CHIA: variants seen among roughly 807,000 people sequenced by gnomAD.
CHIA encodes the protein chitinase acidic, also known as acidic mammalian chitinase.
Under a neutral mutation model 53.5 loss-of-function variants are expected in CHIA, and 47 were observed. That is an observed-to-expected ratio of 0.88 (90% confidence interval 0.70 to 1.12). The LOEUF is 1.12. Among genes scored for constraint, CHIA ranks in the 50% most tolerant of loss-of-function variants. The pLI is 0.00. For missense variants in CHIA, 652 were observed against 592.2 expected, an observed-to-expected ratio of 1.10 and a Z score of -1.05; for synonymous variants, 268 against 222.2, an observed-to-expected ratio of 1.21 and a Z score of -1.83.
intron 1 of CHIA, among the ~76,000 whole-genome samples, chr1:111,309,122 G>A (rs1205500256): frequency 3.3e-5 from 5 of 152,128 alleles, no homozygotes; most frequent in African/African-American, 1.2e-4. Context: ...AACCACCATG[G>A]CACATGTTTA....
chr1:111,318,991 C>A (rs1294491232), intron 9 of CHIA, 129 bp from the exon 10 acceptor site: 2 of 1,315,438 alleles, frequency 1.5e-6, no homozygotes. Flanking sequence ...CTCTTTACTA[C>A]AAATAAAAAC....
In CHIA at chr1:111,318,607, G is replaced by GGTGC; in HGVS notation, c.845_848dup (p.Pro284CysfsTer55). The GGTGC allele has an allele frequency of 6.2e-7, 1 of 1,614,208 alleles. No individual in the cohort carries two copies. The highest frequency in any genetic ancestry group is 8.5e-7 in the Non-Finnish European group (1 of 1,180,036). ...GAGCAACCCCTCCAACACTGGAATT[G>GGTGC]GTGCCCCCACCTCTGGTGCTGGTCC... On this transcript the variant is annotated frameshift_variant, in exon 9 of 12. Coordinates refer to ENST00000369740, the MANE Select transcript of CHIA (RefSeq NM_201653.4). LOFTEE classifies it high-confidence loss of function.
chr1:111,317,881 C>T lies in CHIA; in HGVS notation c.605+76C>T, dbSNP rs143996958. ...CTAGACTTGTCCTTGGTCTGGCTTG[C>T]TATTCAGGGACCTTGTTTAGGAGAC... On this transcript the variant is annotated intron_variant, in intron 7 of 11. Coordinates refer to ENST00000369740, the MANE Select transcript of CHIA (RefSeq NM_201653.4). 1,512 of 1,610,138 alleles carry T rather than the reference C, an allele frequency of 9.4e-4. 5 individuals are homozygous for T. The highest frequency in any genetic ancestry group is 4.8e-3 in the Middle Eastern group (29 of 6,044).
chr1:111,302,310 G>A (rs1046304297), intron 1 of CHIA, among the ~76,000 whole-genome samples: 2 of 151,866 alleles, frequency 1.3e-5, no homozygotes, highest in Non-Finnish European at 2.9e-5. Flanking sequence ...GGTTTAATTT[G>A]TGTTTCTTTT....
At chr1:111,293,620 T>C (rs1410850038) in intron 1 of CHIA, among the ~76,000 whole-genome samples, 2 of 152,276 alleles carry the variant, frequency 1.3e-5, no homozygotes, top group Non-Finnish European at 2.9e-5. Flanking sequence ...TGTATTCTTT[T>C]GTTGTCTGTG....
At position 111,319,127 on chromosome 1, in the gene CHIA, C is replaced by T. The variant is rs142736771; in HGVS notation, c.923C>T (p.Thr308Ile). The T allele has an allele frequency of 3.7e-6, 6 of 1,613,842 alleles. No individual in the cohort carries two copies. The highest frequency in any genetic ancestry group is 5.1e-6 in the Non-Finnish European group (6 of 1,179,938). The change falls in exon 10 of 12, where the codon ACC (threonine) becomes ATC (isoleucine). Residue 308 changes from threonine (T) to isoleucine (I), a missense_variant. Transcript: ENST00000369740. ...TCTCTTGACTTTTGAAAGATCTGTACCTTCCTGAAAAATGGAGCCACTCAG... is the reference window on the plus strand; with the variant it reads ...TCTCTTGACTTTTGAAAGATCTGTATCTTCCTGAAAAATGGAGCCACTCAG... ...SGIWAYYEIC[T>I]FLKNGATQGW...
intron 1 of CHIA, among the ~76,000 whole-genome samples, chr1:111,295,301 C>T (rs115622479): frequency 0.039 from 5,965 of 152,278 alleles, 178 homozygotes; most frequent in East Asian, 0.12. Flanking sequence ...CTACCTGGGC[C>T]TCCCAAAGTG....
chr1:111,313,380 A>G (rs902862593), intron 4 of CHIA, among the ~76,000 whole-genome samples: 5 of 152,078 alleles, frequency 3.3e-5, no homozygotes, highest in Non-Finnish European at 7.4e-5. Flanking sequence ...TGATTTTGAT[A>G]TGTATTTCTC....
intron 1 of CHIA, among the ~76,000 whole-genome samples, chr1:111,303,768 G>A (rs151134455): frequency 5.3e-5 from 8 of 152,270 alleles, no homozygotes; most frequent in African/African-American, 1.9e-4. Context: ...AAAAAGTGGA[G>A]TTACAAGCCA....
intron 1 of CHIA, among the ~76,000 whole-genome samples, chr1:111,308,998 CT>C (rs1387061369): frequency 5.9e-5 from 9 of 152,106 alleles, no homozygotes; most frequent in Non-Finnish European, 1.0e-4. Flanking sequence ...GAAATGTTCC[CT>C]GAACAACACA....
Position 111,320,558 on chromosome 1 carries a change from A to G in CHIA, c.*92A>G, listed in dbSNP as rs1649589674. 8.2e-7 allele frequency: 1 copy of G among 1,217,998 alleles called. No homozygotes were observed. The highest frequency in any genetic ancestry group is 1.5e-5 in the African/African-American group (1 of 66,928). The allele number at this position is 1,217,998 out of a possible 1,614,324, so 75.4% of individuals were successfully genotyped here. On this transcript the variant is annotated 3_prime_UTR_variant, in exon 12 of 12. Coordinates refer to ENST00000369740, the MANE Select transcript of CHIA (RefSeq NM_201653.4). ...AAGTCCTGCAATAAAATCAGCAGTC[A>G]AAACATGACTGTCCTTGCTTTTAAG...
At position 111,298,598 on chromosome 1, in the gene CHIA, G is replaced by A. The variant is rs553177402; in HGVS notation, c.-69+7648G>A. On this transcript the variant is annotated intron_variant, in intron 1 of 11. Coordinates refer to ENST00000369740, the MANE Select transcript of CHIA (RefSeq NM_201653.4). Reference sequence around the variant, plus strand: ...TCTCCAGTTAAAGCAGTGTGTAGAGGGAAATTTATAGCACTAAATGCCCAC... The same window carrying A: ...TCTCCAGTTAAAGCAGTGTGTAGAGAGAAATTTATAGCACTAAATGCCCAC... 8.5e-5 allele frequency among the ~76,000 whole-genome samples: 13 copies of A among 152,244 alleles called. No homozygotes were observed. The South Asian group carries it at 2.5e-3, about 29-fold the overall frequency.
At chr1:111,299,257 A>T (rs918645466) in intron 1 of CHIA, among the ~76,000 whole-genome samples, 23 of 152,214 alleles carry the variant, frequency 1.5e-4, no homozygotes, top group African/African-American at 5.3e-4. Context: ...CATCATCCTG[A>T]TACCAAAGCC....
At position 111,310,399 on chromosome 1, in the gene CHIA, G is replaced by C. The variant is rs2101634731; in HGVS notation, c.-68-1G>C. ...TCTGGGTCAAATTGTTCTCTATTTA[G>C]AAGCCTTTGTGATAACCACAGAATC... is the stretch of plus-strand genomic sequence containing the variant. On this transcript the variant is annotated splice_acceptor_variant, in intron 1 of 11. Coordinates refer to ENST00000369740, the MANE Select transcript of CHIA (RefSeq NM_201653.4). LOFTEE classifies it low-confidence loss of function (5UTR_SPLICE). The C allele has an allele frequency of 1.2e-6, 2 of 1,607,540 alleles. No homozygotes were observed. The highest frequency in any genetic ancestry group is 4.5e-5 in the East Asian group (2 of 44,814).
chr1:111,305,483 G>T (rs1195663885), intron 1 of CHIA, among the ~76,000 whole-genome samples: 1 of 152,228 alleles, frequency 6.6e-6, no homozygotes, highest in African/African-American at 2.4e-5. Flanking sequence ...GCTCCCACAA[G>T]CTCTGTATAA....
rs543088191 is a variant in CHIA at position 111,314,077 on chromosome 1, T to C, written c.258-463T>C. On this transcript the variant is annotated intron_variant, in intron 4 of 11. Coordinates refer to ENST00000369740, the MANE Select transcript of CHIA (RefSeq NM_201653.4). ...GGGCGATAAACCCAGATTTTTCATG[T>C]TGTCCTCCCACAACCCTTGCACTTA... 2.1e-4 allele frequency among the ~76,000 whole-genome samples: 32 copies of C among 152,266 alleles called. 2 individuals are homozygous for C. In the South Asian group the frequency reaches 6.4e-3, roughly 31 times the overall value.
chr1:111,297,901 C>CAAAAAAAAAAAAAAAAAAAA lies in CHIA; in HGVS notation c.-69+6956_-69+6975dup, dbSNP rs1188512345. On this transcript the variant is annotated intron_variant, in intron 1 of 11. Coordinates refer to ENST00000369740, the MANE Select transcript of CHIA (RefSeq NM_201653.4). The stretch of plus-strand genomic sequence containing the variant: ...GAAGATCTACCAAGCAAATGGAAAG[C>CAAAAAAAAAAAAAAAAAAAA]AAAAAAAAAAAAAAAAAAAAAAAAC... 1.7e-3 allele frequency among the ~76,000 whole-genome samples: 55 copies of CAAAAAAAAAAAAAAAAAAAA among 31,834 alleles called. 3 individuals are homozygous for CAAAAAAAAAAAAAAAAAAAA. The highest frequency in any genetic ancestry group is 2.3e-3 in the South Asian group (1 of 444). 20.9% of individuals were successfully genotyped at this position (31,834 alleles called of 152,430 possible). A position where few individuals can be genotyped will look rare whatever the true frequency, so the allele number is the denominator to read the frequency against.
intron 1 of CHIA, among the ~76,000 whole-genome samples, chr1:111,309,377 G>C (rs181678861): frequency 6.6e-6 from 1 of 152,132 alleles, no homozygotes; most frequent in African/African-American, 2.4e-5. Flanking sequence ...CCATATTCCC[G>C]CCAACTGCAT....
intron 1 of CHIA, among the ~76,000 whole-genome samples, chr1:111,294,673 T>C (rs1661233828): frequency 6.6e-6 from 1 of 152,256 alleles, no homozygotes; most frequent in African/African-American, 2.4e-5. Context: ...ATATTTGCTG[T>C]GGGTTTTTCA....
Sources: allele counts gnomAD v4.1 joint callset (sites outside exome capture counted in the v4.1 genomes callset), GRCh38; gene constraint gnomAD v4.1.1; transcripts MANE v1.5; gene names NCBI Gene and HGNC (gene_info 2026-07-23, HGNC 2026-07-21).